SMG6: variants seen among roughly 807,000 people sequenced by gnomAD.
SMG6 encodes telomerase-binding protein EST1A.
Under a neutral mutation model 142.2 loss-of-function variants are expected in SMG6, and 66 were observed. That is an observed-to-expected ratio of 0.46 (90% confidence interval 0.38 to 0.57). The LOEUF is 0.57. Among genes scored for constraint, SMG6 ranks in the 20% least tolerant of loss-of-function variants. SMG6 has a pLI of 0.00. For missense variants in SMG6, 1,793 were observed against 1,832.0 expected (o/e 0.98, Z 0.39); for synonymous variants, 779 against 702.4 (o/e 1.11, Z -1.72).
At chr17:2,237,570 G>C (rs928849584) in intron 9 of SMG6, 9 of 985,346 alleles carry the variant, frequency 9.1e-6, no homozygotes, top group Non-Finnish European at 1.1e-5. Context: ...TCTGCTCATC[G>C]GGGTCTGTAT....
intron 8 of SMG6, among the ~76,000 whole-genome samples, chr17:2,254,871 G>A (rs1304669317): frequency 2.6e-5 from 4 of 152,312 alleles, no homozygotes; most frequent in Admixed American, 6.5e-5. Context: ...GAAATATACA[G>A]AAGCAGCACC....
At chr17:2,115,849 A>G (rs935208759) in intron 13 of SMG6, among the ~76,000 whole-genome samples, 2 of 151,998 alleles carry the variant, frequency 1.3e-5, no homozygotes, top group African/African-American at 4.8e-5. Flanking sequence ...TCAGTAGCTA[A>G]GCGTGTACCA....
Position 2,299,304 on chromosome 17 carries a change from G to C in SMG6, c.1449C>G (p.Val483=). The C allele has an allele frequency of 1.2e-6, 2 of 1,614,106 alleles. No individual in the cohort carries two copies. ...GTGAGTCACCCCAAGATGTAGGGCT[G>C]ACTTCATCATCAGTGTCCAAGAAAT... is the stretch of plus-strand genomic sequence containing the variant. ...QLHFLDTDDE[V]SPTSWGDSRQ... is the part of the protein sequence containing the mutation. The change falls in exon 2 of 19, where the codon GTC becomes GTG. Residue 483 remains valine (V), a synonymous_variant. Coordinates refer to ENST00000263073, the MANE Select transcript of SMG6 (RefSeq NM_017575.5). The surrounding 1 kb of genome is among the most constrained non-coding windows in gnomAD (Gnocchi z 4.3).
chr17:2,206,848 A>G (rs1214437058), intron 10 of SMG6, among the ~76,000 whole-genome samples: 1 of 152,144 alleles, frequency 6.6e-6, no homozygotes. Context: ...AAACTGTGCC[A>G]GTACACTCCA....
intron 13 of SMG6, among the ~76,000 whole-genome samples, chr17:2,151,309 A>G (rs2070817592): frequency 6.6e-6 from 1 of 152,224 alleles, no homozygotes; most frequent in African/African-American, 2.4e-5. Context: ...ATTCCACATT[A>G]CAGTTTTATA....
intron 15 of SMG6, among the ~76,000 whole-genome samples, chr17:2,074,948 G>A (rs1237750757): frequency 4.6e-5 from 7 of 152,208 alleles, no homozygotes; most frequent in Non-Finnish European, 8.8e-5. Flanking sequence ...GGGAAGCCAG[G>A]CCCCCAGTGG....
chr17:2,067,267 C>G (rs1388433162), intron 16 of SMG6, among the ~76,000 whole-genome samples: 1 of 152,226 alleles, frequency 6.6e-6, no homozygotes, highest in Non-Finnish European at 1.5e-5. Context: ...AGGGCTACAG[C>G]CTGCCTTTCA....
At chr17:2,265,632 T>C (rs151162278) in intron 8 of SMG6, among the ~76,000 whole-genome samples, 33 of 152,352 alleles carry the variant, frequency 2.2e-4, no homozygotes, top group African/African-American at 7.9e-4. Flanking sequence ...TGGTAAATTT[T>C]TTCTGTAAAA....
chr17:2,186,799 G>A lies in SMG6; in HGVS notation c.3019C>T (p.Gln1007Ter). The stretch of plus-strand genomic sequence containing the variant: ...AAGGAAGACACCTTGATGTCGTCTT[G>A]GTCATCCTGGTCCTCAGGAGAGGAC... ...QLSSPEDQDDQDDIKVSSFVP... is the reference protein window; with the variant it reads ...QLSSPEDQDD The change falls in exon 12 of 19, where the codon CAA (glutamine) becomes TAA (stop). Residue 1007 changes from glutamine to a stop codon, truncating the protein, a stop_gained. Coordinates refer to ENST00000263073, the MANE Select transcript of SMG6 (RefSeq NM_017575.5). LOFTEE classifies it high-confidence loss of function. 6.2e-7 allele frequency: 1 copy of A among 1,614,184 alleles called. No individual in the cohort carries two copies. Among genetic ancestry groups the A allele is most frequent in the Non-Finnish European group, 8.5e-7 (1 of 1,180,028 alleles).
At chr17:2,122,385 G>C (rs1002007414) in intron 13 of SMG6, 1 of 152,136 alleles carries the variant, frequency 6.6e-6, no homozygotes, top group Admixed American at 6.6e-5. Context: ...AAGAAAATCT[G>C]CATCAATCCC....
At chr17:2,251,533 T>C (rs2074045988) in intron 8 of SMG6, among the ~76,000 whole-genome samples, 1 of 152,208 alleles carries the variant, frequency 6.6e-6, no homozygotes, top group African/African-American at 2.4e-5. Context: ...ATCTGAGACA[T>C]GTGAATTTAA....
intron 13 of SMG6, chr17:2,087,477 T>C: frequency 9.2e-7 from 1 of 1,082,530 alleles, no homozygotes; most frequent in South Asian, 2.5e-5. Context: ...ATTGGCCCTG[T>C]TACCATTATA....
chr17:2,079,592 C>T (rs73296359), intron 15 of SMG6, among the ~76,000 whole-genome samples: 2,209 of 150,096 alleles, frequency 0.015, 42 homozygotes, highest in African/African-American at 0.05. Flanking sequence ...GCTGAGATCA[C>T]GACAGCGAGA....
chr17:2,177,297 C>T (rs1287170195), intron 12 of SMG6, among the ~76,000 whole-genome samples: 1 of 152,192 alleles, frequency 6.6e-6, no homozygotes, highest in Non-Finnish European at 1.5e-5. Context: ...AATCTACCTT[C>T]TTGCCCAGAA....
chr17:2,211,857 C>A (rs975674305), intron 10 of SMG6, among the ~76,000 whole-genome samples: 1 of 152,088 alleles, frequency 6.6e-6, no homozygotes, highest in Non-Finnish European at 1.5e-5. Flanking sequence ...TGGGGATCCC[C>A]ACATCCACAT....
intron 10 of SMG6, among the ~76,000 whole-genome samples, chr17:2,205,020 A>G (rs1172259102): frequency 1.3e-5 from 2 of 152,112 alleles, no homozygotes; most frequent in Non-Finnish European, 1.5e-5. Flanking sequence ...CAATTTGTCA[A>G]TACACTTACC....
intron 13 of SMG6, among the ~76,000 whole-genome samples, chr17:2,093,551 G>C (rs542030796): frequency 4.6e-5 from 7 of 152,284 alleles, no homozygotes; most frequent in Admixed American, 2.6e-4. Context: ...TCAGAGGTGG[G>C]AGGGGCACTG....
intron 12 of SMG6, among the ~76,000 whole-genome samples, chr17:2,178,177 T>TCAA (rs2071702965): frequency 6.6e-6 from 1 of 152,208 alleles, no homozygotes; most frequent in Non-Finnish European, 1.5e-5. Context: ...GGTACCTCAG[T>TCAA]GCTAGGTAGC....
intron 13 of SMG6, among the ~76,000 whole-genome samples, chr17:2,105,367 G>C (rs552439359): frequency 1.3e-5 from 2 of 151,236 alleles, no homozygotes; most frequent in African/African-American, 2.4e-5. Flanking sequence ...CCAACATGGT[G>C]AAACCCAATC....
Sources: allele counts gnomAD v4.1 joint callset (sites outside exome capture counted in the v4.1 genomes callset), GRCh38; gene constraint gnomAD v4.1.1; non-coding constraint Gnocchi (gnomAD v3.1); transcripts MANE v1.5; gene names NCBI Gene and HGNC (gene_info 2026-07-23, HGNC 2026-07-21).